PLCXD3: variants seen among roughly 807,000 people sequenced by gnomAD.
The protein encoded by PLCXD3 is PI-PLC X domain-containing protein 3.
In PLCXD3, 19 loss-of-function variants were observed where a neutral mutation model predicts 25.5. The observed-to-expected ratio is 0.75, with a 90% confidence interval of 0.52 to 1.09. The LOEUF (loss-of-function observed/expected upper bound fraction) is 1.09, where lower values mean the gene tolerates loss of function less well. Ranked by LOEUF, PLCXD3 falls within the 50% of genes least tolerant of loss-of-function variation. The probability of loss-of-function intolerance (pLI) is 0.00; values close to 1 mark genes in which losing one functional copy is unlikely to be tolerated. For synonymous variants in PLCXD3, 174 were observed against 137.6 expected (o/e 1.26, Z -1.85); for missense variants, 411 against 388.1 (o/e 1.06, Z -0.50).
chr5:41,418,111 C>T (rs140239191), intron 1 of PLCXD3, among the ~76,000 whole-genome samples: 3 of 152,128 alleles, frequency 2.0e-5, no homozygotes, highest in African/African-American at 7.2e-5. Flanking sequence ...GGTTTTCAAA[C>T]TGCAATATAT....
At chr5:41,357,325 T>A (rs1001753) in intron 2 of PLCXD3, among the ~76,000 whole-genome samples, 2,630 of 152,330 alleles carry the variant, frequency 0.017, 90 homozygotes, top group African/African-American at 0.061. Context: ...TAAAAAGTTG[T>A]TATCAATTAA....
intron 1 of PLCXD3, among the ~76,000 whole-genome samples, chr5:41,477,590 T>G (rs1748308905): frequency 6.6e-6 from 1 of 152,046 alleles, no homozygotes; most frequent in Admixed American, 6.6e-5. Context: ...AAGATGTCCC[T>G]CCCATGATTC....
chr5:41,490,802 G>A (rs1748649993), intron 1 of PLCXD3, among the ~76,000 whole-genome samples: 1 of 152,062 alleles, frequency 6.6e-6, no homozygotes, highest in Non-Finnish European at 1.5e-5. Flanking sequence ...ATTTTTTACT[G>A]CATCTATTTG....
rs969832745 is a variant in PLCXD3 at position 41,308,452 on chromosome 5, A to C, written c.*5165T>G. 3.9e-5 allele frequency: 6 copies of C among 152,190 alleles called. No individual in the cohort carries two copies. Among genetic ancestry groups the C allele is most frequent in the African/African-American group, 1.4e-4 (6 of 41,448 alleles). 9.4% of individuals were successfully genotyped at this position (152,190 alleles called of 1,614,324 possible). ...AAGAAAGGAAATAAGAAAGTTAATT[A>C]ATATTCTGTAATCAGATCCAAGCCC... is the stretch of plus-strand genomic sequence containing the variant. On this transcript the variant is annotated 3_prime_UTR_variant, in exon 3 of 3. Coordinates refer to ENST00000377801, the MANE Select transcript of PLCXD3 (RefSeq NM_001005473.3).
intron 1 of PLCXD3, among the ~76,000 whole-genome samples, chr5:41,394,813 C>T (rs182559838): frequency 4.6e-5 from 7 of 152,116 alleles, no homozygotes; most frequent in East Asian, 3.9e-4. Flanking sequence ...AGTGGATAAC[C>T]TAGATATAAG....
chr5:41,415,326 T>C (rs12523305), intron 1 of PLCXD3, among the ~76,000 whole-genome samples: 16,521 of 152,182 alleles, frequency 0.11, 1,085 homozygotes, highest in Admixed American at 0.17. Flanking sequence ...GTGGCTGAGC[T>C]CAGTCTCAAG....
rs1245332717 is a variant in PLCXD3 at position 41,309,958 on chromosome 5, G to T, written c.*3659C>A. 6.6e-6 allele frequency: 1 copy of T among 152,114 alleles called. No individual in the cohort carries two copies. Among genetic ancestry groups the T allele is most frequent in the African/African-American group, 2.4e-5 (1 of 41,418 alleles). 9.4% of individuals were successfully genotyped at this position (152,114 alleles called of 1,614,324 possible). ...CAGCAATAGACTCAGATTGATTAGA[G>T]TGCAGTTTCAACTTGAATAATAAGT... On this transcript the variant is annotated 3_prime_UTR_variant, in exon 3 of 3. Transcript: ENST00000377801.
At chr5:41,428,374 G>GT (rs373244601) in intron 1 of PLCXD3, among the ~76,000 whole-genome samples, 13,053 of 90,996 alleles carry the variant, frequency 0.14, 1,780 homozygotes, top group Non-Finnish European at 0.2. Flanking sequence ...GTTAAAATGA[G>GT]TTTTTTTGTT....
chr5:41,484,743 A>C (rs1748481913), intron 1 of PLCXD3, among the ~76,000 whole-genome samples: 1 of 152,168 alleles, frequency 6.6e-6, no homozygotes, highest in African/African-American at 2.4e-5. Context: ...AAGTCTCTAT[A>C]ATTACATTGA....
chr5:41,448,353 G>C (rs143149613), intron 1 of PLCXD3, among the ~76,000 whole-genome samples: 2 of 152,310 alleles, frequency 1.3e-5, no homozygotes, highest in African/African-American at 2.4e-5. Context: ...TTGGGCTGAA[G>C]CCATCTTTCT....
In PLCXD3 at chr5:41,313,656, C is replaced by T. The variant is rs758384574; in HGVS notation, c.927G>A (p.Lys309=). 1 of 1,613,740 alleles carries T rather than the reference C, an allele frequency of 6.2e-7. No individual in the cohort carries two copies. Among genetic ancestry groups the T allele is most frequent in the African/African-American group, 1.3e-5 (1 of 74,900 alleles). The change falls in exon 3 of 3, where the codon AAG becomes AAA. Residue 309 remains lysine (K), a synonymous_variant. Transcript: ENST00000377801. ...ELGDFISTVI[K]LNYVFDEGEA... ...CTCCTTCATCAAAGACATAGTTGAG[C>T]TTTATGACAGTGCTGATAAAGTCAC...
At chr5:41,466,454 T>C (rs1361747837) in intron 1 of PLCXD3, among the ~76,000 whole-genome samples, 1 of 152,114 alleles carries the variant, frequency 6.6e-6, no homozygotes, top group African/African-American at 2.4e-5. Flanking sequence ...ACTTATGAGA[T>C]ACAATGTGAT....
At chr5:41,462,073 A>G (rs1340809782) in intron 1 of PLCXD3, among the ~76,000 whole-genome samples, 6 of 152,014 alleles carry the variant, frequency 3.9e-5, no homozygotes, top group Admixed American at 1.3e-4. Context: ...CGTTTAATCT[A>G]GGCAGCAGAT....
At chr5:41,415,142 T>A (rs531481117) in intron 1 of PLCXD3, among the ~76,000 whole-genome samples, 1 of 152,216 alleles carries the variant, frequency 6.6e-6, no homozygotes, top group Non-Finnish European at 1.5e-5. Flanking sequence ...GGGGATGCTA[T>A]TGTAAAACCA....
rs1230281070 is a variant in PLCXD3, at chr5:41,310,545, T to C, written c.*3072A>G. 1 of 152,562 alleles carries C rather than the reference T, an allele frequency of 6.6e-6. No homozygotes were observed. Among genetic ancestry groups the C allele is most frequent in the Non-Finnish European group, 1.5e-5 (1 of 68,024 alleles). The allele number at this position is 152,562 out of a possible 1,614,324, so 9.5% of individuals were successfully genotyped here. A position where few individuals can be genotyped will look rare whatever the true frequency, so the allele number is the denominator to read the frequency against. On this transcript the variant is annotated 3_prime_UTR_variant, in exon 3 of 3. Coordinates refer to ENST00000377801, the MANE Select transcript of PLCXD3 (RefSeq NM_001005473.3). ...GCTCTCTGAAAAGACAATGCCCAGC[T>C]GAGACAAATGTGCATAGGCTAAGGA...
intron 1 of PLCXD3, among the ~76,000 whole-genome samples, chr5:41,505,426 T>C (rs1366542205): frequency 6.6e-6 from 1 of 151,842 alleles, no homozygotes; most frequent in Non-Finnish European, 1.5e-5. Flanking sequence ...TTACCTTTGA[T>C]GTTGATGCTT....
At chr5:41,374,150 G>A (rs1745209223) in intron 2 of PLCXD3, among the ~76,000 whole-genome samples, 1 of 152,060 alleles carries the variant, frequency 6.6e-6, no homozygotes, top group Non-Finnish European at 1.5e-5. Flanking sequence ...TTTGTCAGTA[G>A]GGATGATTAA....
At chr5:41,447,583 C>CAGG (rs1439241546) in intron 1 of PLCXD3, among the ~76,000 whole-genome samples, 28 of 152,196 alleles carry the variant, frequency 1.8e-4, no homozygotes, top group Non-Finnish European at 3.1e-4. Flanking sequence ...CCATGGAGTA[C>CAGG]AGGCACCTTG....
intron 1 of PLCXD3, among the ~76,000 whole-genome samples, chr5:41,406,184 C>T (rs537446536): frequency 1.3e-5 from 2 of 152,182 alleles, no homozygotes; most frequent in South Asian, 4.2e-4. Context: ...CCTTCCAACT[C>T]CCAAATGAAG....
Sources: allele counts gnomAD v4.1 joint callset (sites outside exome capture counted in the v4.1 genomes callset), GRCh38; gene constraint gnomAD v4.1.1; transcripts MANE v1.5; gene names NCBI Gene and HGNC (gene_info 2026-07-23, HGNC 2026-07-21).